UGT2A3: variants seen among roughly 807,000 people sequenced by gnomAD.
The protein encoded by UGT2A3 is UDP-glucuronosyltransferase 2A3.
In UGT2A3, 55 loss-of-function variants were observed where a neutral mutation model predicts 44.1. The observed-to-expected ratio is 1.25, with a 90% CI of 1.00 to 1.56. UGT2A3 has a LOEUF of 1.56. Ranked by LOEUF, UGT2A3 falls within the 40% of genes most tolerant of loss-of-function variation. The pLI, the probability that UGT2A3 is intolerant of heterozygous loss-of-function variation, is 0.00. For missense variants in UGT2A3, 733 were observed against 621.6 expected (o/e 1.18, Z -1.91); for synonymous variants, 243 against 215.1 (o/e 1.13, Z -1.13).
At position 68,928,599 on chromosome 4, in the gene UGT2A3, A is replaced by T. The variant is rs1717602151; in HGVS notation, c.*1214T>A. ...CCTAATCAACATCTGTAAGAATTTC[A>T]AAATTTTCAAAAAGCCAGATGAGCC... is the stretch of plus-strand genomic sequence containing the variant. On this transcript the variant is annotated 3_prime_UTR_variant, in exon 6 of 6. Transcript: ENST00000251566. 1 of 152,006 alleles carries T rather than the reference A, an allele frequency of 6.6e-6. No homozygotes were observed. Among genetic ancestry groups the T allele is most frequent in the African/African-American group, 2.4e-5 (1 of 41,440 alleles). 9.4% of individuals were successfully genotyped at this position (152,006 alleles called of 1,614,324 possible). A position where few individuals can be genotyped will look rare whatever the true frequency, so the allele number is the denominator to read the frequency against.
At position 68,928,520 on chromosome 4, in the gene UGT2A3, CTTATA is replaced by C. The variant is rs1463392106; in HGVS notation, c.*1288_*1292del. On this transcript the variant is annotated 3_prime_UTR_variant, in exon 6 of 6. Transcript: ENST00000251566. The stretch of plus-strand genomic sequence containing the variant: ...ATTGTATACATACACAAGAAAAATA[CTTATA>C]TTTATTTTTATATCATCATTTTAAA... 1 of 151,824 alleles carries C rather than the reference CTTATA, an allele frequency of 6.6e-6. No individual in the cohort carries two copies. The highest frequency in any genetic ancestry group is 1.5e-5 in the Non-Finnish European group (1 of 67,934). 9.4% of individuals were successfully genotyped at this position (151,824 alleles called of 1,614,324 possible).
chr4:68,937,090 C>T (rs1717981598), intron 2 of UGT2A3, among the ~76,000 whole-genome samples: 2 of 151,550 alleles, frequency 1.3e-5, no homozygotes, highest in Non-Finnish European at 1.5e-5. Context: ...CCTGAGAGAC[C>T]GACAAAGAGA....
chr4:68,937,270 C>T lies in UGT2A3; in HGVS notation c.865-4511G>A, dbSNP rs569390318. On this transcript the variant is annotated intron_variant, in intron 2 of 5. Coordinates refer to ENST00000251566, the MANE Select transcript of UGT2A3 (RefSeq NM_024743.4). ...AAATCAACAGCATATACATTCTTCTCAGGACCACATCATACTTATTCTAAA... is the reference window on the plus strand; with the variant it reads ...AAATCAACAGCATATACATTCTTCTTAGGACCACATCATACTTATTCTAAA... 2.6e-5 allele frequency among the ~76,000 whole-genome samples: 4 copies of T among 152,210 alleles called. No individual in the cohort carries two copies. In the South Asian group the frequency reaches 8.3e-4, roughly 32 times the overall value.
intron 2 of UGT2A3, among the ~76,000 whole-genome samples, chr4:68,944,336 C>T (rs892972306): frequency 6.6e-6 from 1 of 151,722 alleles, no homozygotes; most frequent in East Asian, 1.9e-4. Context: ...TAAAAAGTAT[C>T]CCGTAAGAGG....
chr4:68,945,536 G>GA, intron 1 of UGT2A3, 82 bp from the exon 2 acceptor site: 7 of 1,275,540 alleles, frequency 5.5e-6, no homozygotes, highest in Non-Finnish European at 7.4e-6. Context: ...AAGCTATTAA[G>GA]AAAAAAATAA....
chr4:68,931,300 G>T (rs1408750842), intron 3 of UGT2A3, 58 bp from the exon 4 acceptor site: 12 of 1,357,494 alleles, frequency 8.8e-6, no homozygotes, highest in Non-Finnish European at 1.3e-5. Flanking sequence ...GCATTCTAAG[G>T]ATGTAGATAT....
At chr4:68,934,207 G>A (rs1251606784) in intron 2 of UGT2A3, among the ~76,000 whole-genome samples, 1 of 151,714 alleles carries the variant, frequency 6.6e-6, no homozygotes, top group Non-Finnish European at 1.5e-5. Context: ...AAAAACAAAA[G>A]AAACTTGGAA....
intron 2 of UGT2A3, among the ~76,000 whole-genome samples, chr4:68,936,543 C>T (rs1717958236): frequency 6.6e-6 from 1 of 152,034 alleles, no homozygotes; most frequent in Non-Finnish European, 1.5e-5. Context: ...GCCTGCCTTA[C>T]AAGAGCTCCC....
At chr4:68,948,335 A>G (rs1718454519) in intron 1 of UGT2A3, among the ~76,000 whole-genome samples, 1 of 151,470 alleles carries the variant, frequency 6.6e-6, no homozygotes, top group Non-Finnish European at 1.5e-5. Flanking sequence ...CTGAGGCTTC[A>G]TGCAATTGAA....
intron 5 of UGT2A3, 26 bp from the exon 6 acceptor site, chr4:68,930,118 C>T (rs756939258): frequency 2.5e-6 from 4 of 1,579,136 alleles, no homozygotes; most frequent in South Asian, 1.1e-5. Flanking sequence ...ACACATAGAA[C>T]TTAGAAAGTT....
At chr4:68,930,223 C>T (rs1469247874) in intron 5 of UGT2A3, 131 bp from the exon 6 acceptor site, 3 of 1,090,512 alleles carry the variant, frequency 2.8e-6, no homozygotes, top group East Asian at 2.5e-5. Context: ...CTGGTTGTGA[C>T]ATGAATATTG....
At chr4:68,941,182 C>T (rs1718174831) in intron 2 of UGT2A3, among the ~76,000 whole-genome samples, 1 of 151,688 alleles carries the variant, frequency 6.6e-6, no homozygotes, top group African/African-American at 2.4e-5. Flanking sequence ...TTGCCTTCTA[C>T]CACAAGTGGA....
At position 68,928,841 on chromosome 4, in the gene UGT2A3, TG is replaced by T. The variant is rs1186946146; in HGVS notation, c.*971del. On this transcript the variant is annotated 3_prime_UTR_variant, in exon 6 of 6. Coordinates refer to ENST00000251566, the MANE Select transcript of UGT2A3 (RefSeq NM_024743.4). ...TTTTACTATGTAAGCAATTATTTGA[TG>T]AATTTACAATTCTCAAAGATTGAGA... is the stretch of plus-strand genomic sequence containing the variant. 6.6e-6 allele frequency: 1 copy of T among 152,040 alleles called. No homozygotes were observed. The highest frequency in any genetic ancestry group is 1.5e-5 in the Non-Finnish European group (1 of 67,940). 9.4% of individuals were successfully genotyped at this position (152,040 alleles called of 1,614,324 possible).
At chr4:68,940,004 T>C (rs1234242225) in intron 2 of UGT2A3, among the ~76,000 whole-genome samples, 1 of 152,030 alleles carries the variant, frequency 6.6e-6, no homozygotes, top group Non-Finnish European at 1.5e-5. Context: ...TGAGATACCA[T>C]CTCATGTGAG....
chr4:68,950,150 C>G (rs140326179), intron 1 of UGT2A3, among the ~76,000 whole-genome samples: 4 of 151,936 alleles, frequency 2.6e-5, no homozygotes, highest in Non-Finnish European at 4.4e-5. Context: ...TACCTAGATC[C>G]ATAAAGCCTG....
chr4:68,943,240 T>G (rs911349099), intron 2 of UGT2A3: 24 of 839,616 alleles, frequency 2.9e-5, no homozygotes, highest in Non-Finnish European at 3.8e-5. Flanking sequence ...TGTGTAAAAC[T>G]GGGAGTGTGG....
chr4:68,947,335 T>C (rs1399954687), intron 1 of UGT2A3, among the ~76,000 whole-genome samples: 2 of 151,950 alleles, frequency 1.3e-5, no homozygotes, highest in East Asian at 3.9e-4. Flanking sequence ...AAAAAGTAAC[T>C]GTTTAAAAAG....
intron 2 of UGT2A3, among the ~76,000 whole-genome samples, chr4:68,934,285 A>T (rs1454077740): frequency 5.3e-5 from 8 of 152,090 alleles, no homozygotes; most frequent in Admixed American, 2.0e-4. Context: ...AGTCTACAAC[A>T]ACGAACACAC....
intron 2 of UGT2A3, among the ~76,000 whole-genome samples, chr4:68,942,335 CTCTCTA>C (rs1718218525): frequency 1.4e-5 from 2 of 142,264 alleles, no homozygotes; most frequent in South Asian, 4.4e-4. Flanking sequence ...CTCTCTCTCT[CTCTCTA>C]TATATATATA....
Sources: gnomAD v4.1 joint callset for allele counts (sites outside exome capture counted in the v4.1 genomes callset) on GRCh38, gnomAD v4.1.1 for gene constraint, MANE v1.5 for transcripts, NCBI Gene and HGNC (gene_info 2026-07-23, HGNC 2026-07-21) for gene names.